Variants in GALNTL6 observed in about 807,000 individuals in gnomAD.
GALNTL6 encodes the protein polypeptide N-acetylgalactosaminyltransferase-like 6.
A neutral mutation model predicts 73.7 loss-of-function variants in GALNTL6; 46 were observed. The observed-to-expected ratio is 0.62, with a 90% CI of 0.49 to 0.80. GALNTL6 has a LOEUF of 0.80. Ranked by LOEUF, GALNTL6 falls within the 30% of genes least tolerant of loss-of-function variation. The probability of loss-of-function intolerance (pLI) is 0.00; values close to 1 mark genes in which losing one functional copy is unlikely to be tolerated. For synonymous variants in GALNTL6, 259 were observed against 263.7 expected (o/e 0.98, Z 0.17); for missense variants, 604 against 755.0 (o/e 0.80, Z 2.34).
chr4:172,588,831 G>A (rs1476393291), intron 5 of GALNTL6, among the ~76,000 whole-genome samples: 4 of 152,136 alleles, frequency 2.6e-5, no homozygotes, highest in African/African-American at 7.2e-5. Context: ...AAACAGATCC[G>A]CAGCTCTGGA....
chr4:172,297,684 G>A (rs1227831143), intron 3 of GALNTL6, among the ~76,000 whole-genome samples: 2 of 152,062 alleles, frequency 1.3e-5, no homozygotes, highest in Non-Finnish European at 2.9e-5. Flanking sequence ...TTATTTCTGA[G>A]GGCTCTGTTC....
At chr4:172,264,867 T>C (rs943630492) in intron 3 of GALNTL6, among the ~76,000 whole-genome samples, 2 of 151,094 alleles carry the variant, frequency 1.3e-5, no homozygotes, top group South Asian at 2.1e-4. Flanking sequence ...CTTTTTTTTT[T>C]CTTGAAAAGC....
intron 2 of GALNTL6, among the ~76,000 whole-genome samples, chr4:172,191,630 T>G (rs1325700636): frequency 6.6e-6 from 1 of 152,214 alleles, no homozygotes; most frequent in Non-Finnish European, 1.5e-5. Context: ...CTCTTTCAAA[T>G]CTTCACACAG....
At chr4:172,572,778 A>AGGAATG (rs2110953283) in intron 5 of GALNTL6, among the ~76,000 whole-genome samples, 1 of 152,286 alleles carries the variant, frequency 6.6e-6, no homozygotes, top group African/African-American at 2.4e-5. Flanking sequence ...ATGCTACCAT[A>AGGAATG]CTTTACTAAT....
rs547713314 is a variant in GALNTL6 at position 172,047,080 on chromosome 4, T to C, written c.139-182576T>C. ...AAATAAAGGAGAAAATGATTGGTTA[T>C]TGAAACAAACTAACCTGCTGAAAAT... On this transcript the variant is annotated intron_variant, in intron 2 of 12. Coordinates refer to ENST00000506823, the MANE Select transcript of GALNTL6 (RefSeq NM_001034845.3). 2.0e-5 allele frequency among the ~76,000 whole-genome samples: 3 copies of C among 152,302 alleles called. No individual in the cohort carries two copies. In the South Asian group the frequency reaches 6.2e-4, roughly 32 times the overall value.
rs751155404 is a variant in GALNTL6 at position 172,181,717 on chromosome 4, CT to C, written c.139-47922del. ...TGCCATCATCTCAGCCCCAAATCTT[CT>C]TTTTTTTTTTTTTTTTGAGTTGGAG... On this transcript the variant is annotated intron_variant, in intron 2 of 12. Coordinates refer to ENST00000506823, the MANE Select transcript of GALNTL6 (RefSeq NM_001034845.3). Among the ~76,000 whole-genome samples the C allele has an allele frequency of 6.9e-3, 933 of 135,114 alleles. 5 individuals carry two copies. The highest frequency in any genetic ancestry group is 0.018 in the African/African-American group (649 of 36,620). 88.6% of individuals were successfully genotyped at this position (135,114 alleles called of 152,430 possible).
chr4:172,856,369 A>G (rs1579571605), intron 7 of GALNTL6, among the ~76,000 whole-genome samples: 1 of 152,220 alleles, frequency 6.6e-6, no homozygotes, highest in East Asian at 1.9e-4. Flanking sequence ...CACATACAGC[A>G]TTTTTTCCCA....
chr4:172,655,796 G>T (rs958852611), intron 5 of GALNTL6, among the ~76,000 whole-genome samples: 2 of 152,108 alleles, frequency 1.3e-5, no homozygotes, highest in Non-Finnish European at 2.9e-5. Context: ...TAAGTTAAAT[G>T]TATCATCATC....
rs557220304 is a variant in GALNTL6 at position 171,897,711 on chromosome 4, C to T, written c.138+82993C>T. On this transcript the variant is annotated intron_variant, in intron 2 of 12. Coordinates refer to ENST00000506823, the MANE Select transcript of GALNTL6 (RefSeq NM_001034845.3). Reference sequence around the variant, plus strand: ...TGTCGCCCAGGCTGGAGTGCAGTGGCGCAATTTCGGCTCACTGCAAGCTCC... The same window carrying T: ...TGTCGCCCAGGCTGGAGTGCAGTGGTGCAATTTCGGCTCACTGCAAGCTCC... 2.1e-4 allele frequency among the ~76,000 whole-genome samples: 31 copies of T among 149,372 alleles called. No homozygotes were observed. The South Asian group carries it at 5.6e-3, about 27-fold the overall frequency.
chr4:172,385,336 C>T (rs2111291610), intron 5 of GALNTL6, among the ~76,000 whole-genome samples: 1 of 152,040 alleles, frequency 6.6e-6, no homozygotes, highest in South Asian at 2.1e-4. Flanking sequence ...TCATGATCTC[C>T]TGCCTAGTTG....
intron 5 of GALNTL6, among the ~76,000 whole-genome samples, chr4:172,554,339 A>G (rs1202135126): frequency 1.3e-5 from 2 of 152,196 alleles, no homozygotes; most frequent in African/African-American, 4.8e-5. Context: ...TTATAAGTGG[A>G]CATTGGTTTC....
chr4:172,618,413 T>A (rs560905400), intron 5 of GALNTL6, among the ~76,000 whole-genome samples: 10 of 152,282 alleles, frequency 6.6e-5, no homozygotes, highest in African/African-American at 1.9e-4. Flanking sequence ...ATCATTATAC[T>A]CCTCTCACTA....
At chr4:172,958,546 G>T (rs578182187) in intron 10 of GALNTL6, among the ~76,000 whole-genome samples, 2 of 152,168 alleles carry the variant, frequency 1.3e-5, no homozygotes, top group African/African-American at 4.8e-5. Context: ...ATCTAAAGTC[G>T]AAAGTATCCA....
intron 10 of GALNTL6, among the ~76,000 whole-genome samples, chr4:172,969,888 T>G (rs1305073324): frequency 6.6e-6 from 1 of 152,220 alleles, no homozygotes; most frequent in Non-Finnish European, 1.5e-5. Context: ...AATATTTCAA[T>G]GTAGTTTATT....
chr4:172,012,395 G>A (rs1365161256), intron 2 of GALNTL6, among the ~76,000 whole-genome samples: 2 of 137,824 alleles, frequency 1.5e-5, no homozygotes, highest in Non-Finnish European at 3.0e-5. Context: ...GTTTTCCTAG[G>A]GTGAAACCCC....
At chr4:172,494,194 T>C (rs897875083) in intron 5 of GALNTL6, among the ~76,000 whole-genome samples, 1 of 152,220 alleles carries the variant, frequency 6.6e-6, no homozygotes, top group Non-Finnish European at 1.5e-5. Context: ...TGTCAGGCAC[T>C]GTACAAAGCT....
At chr4:172,288,551 C>A (rs1300281300) in intron 3 of GALNTL6, among the ~76,000 whole-genome samples, 4 of 152,008 alleles carry the variant, frequency 2.6e-5, no homozygotes, top group East Asian at 1.9e-4. Context: ...TTAATTAGAA[C>A]CTTCTTACTA....
intron 2 of GALNTL6, among the ~76,000 whole-genome samples, chr4:172,105,143 A>T (rs1052084325): frequency 2.0e-5 from 3 of 152,176 alleles, no homozygotes; most frequent in African/African-American, 7.2e-5. Flanking sequence ...ATTATTAAAC[A>T]GAATAACAAA....
intron 5 of GALNTL6, among the ~76,000 whole-genome samples, chr4:172,709,880 T>A (rs1443361131): frequency 1.3e-5 from 2 of 151,946 alleles, no homozygotes; most frequent in African/African-American, 4.8e-5. Context: ...AAAATGTAGA[T>A]GAAATTGACT....
Sources: gnomAD v4.1 joint callset for allele counts (sites outside exome capture counted in the v4.1 genomes callset) on GRCh38, gnomAD v4.1.1 for gene constraint, MANE v1.5 for transcripts, NCBI Gene and HGNC (gene_info 2026-07-23, HGNC 2026-07-21) for gene names.